Variants in UNC13C observed in about 807,000 individuals in gnomAD.
UNC13C encodes the protein unc-13 homolog C, also known as protein unc-13 homolog C.
A neutral mutation model predicts 245.4 loss-of-function variants in UNC13C; 174 were observed. The ratio of observed to expected loss-of-function variants is 0.71; its 90% CI spans 0.63 to 0.80. The LOEUF (loss-of-function observed/expected upper bound fraction) is 0.80. Ranked by LOEUF, UNC13C falls within the 30% of genes least tolerant of loss-of-function variation. The pLI, the probability that UNC13C is intolerant of heterozygous loss-of-function variation, is 0.00. For synonymous variants in UNC13C, 992 were observed against 895.1 expected, an observed-to-expected ratio of 1.11 and a Z score of -1.93; for missense variants, 2,829 against 2,602.9, an observed-to-expected ratio of 1.09 and a Z score of -1.89.
chr15:54,480,573 A>T (rs918771933), intron 19 of UNC13C, among the ~76,000 whole-genome samples: 1 of 151,590 alleles, frequency 6.6e-6, no homozygotes, highest in Non-Finnish European at 1.5e-5. Context: ...TTTCTTTATA[A>T]TGATGTTTAT....
At chr15:53,947,316 G>A in the UNC13C span, among the ~76,000 whole-genome samples, 5 of 152,144 alleles carry the variant, frequency 3.3e-5, no homozygotes, top group Non-Finnish European at 7.4e-5. Context: ...CATATTTAGA[G>A]CATAGTATAA....
chr15:54,412,476 G>T (rs1198176244), intron 18 of UNC13C, among the ~76,000 whole-genome samples: 1 of 152,146 alleles, frequency 6.6e-6, no homozygotes, highest in Non-Finnish European at 1.5e-5. Context: ...GGGGATTACA[G>T]ATCCCTCCCT....
the UNC13C span, among the ~76,000 whole-genome samples, chr15:53,854,122 G>GTATTTTTGTT: frequency 1.5e-5 from 2 of 133,578 alleles, no homozygotes; most frequent in Non-Finnish European, 3.1e-5. Flanking sequence ...GTTTTTATAG[G>GTATTTTTGTT]TTTTTTTTTT....
chr15:54,113,401 G>C (rs1449730773), intron 2 of UNC13C, among the ~76,000 whole-genome samples: 1 of 152,142 alleles, frequency 6.6e-6, no homozygotes, highest in Non-Finnish European at 1.5e-5. Flanking sequence ...AGAAAAATCA[G>C]AGTGGCAACT....
chr15:54,056,210 G>GA (rs908653619), intron 2 of UNC13C, among the ~76,000 whole-genome samples: 6 of 151,642 alleles, frequency 4.0e-5, no homozygotes, highest in African/African-American at 9.7e-5. Context: ...TAAAAACTTT[G>GA]AAAAAAAATT....
At chr15:53,958,592 G>C in the UNC13C span, among the ~76,000 whole-genome samples, 1 of 152,114 alleles carries the variant, frequency 6.6e-6, no homozygotes, top group African/African-American at 2.4e-5. Context: ...ATGATGATAA[G>C]GCTCAGGCTG....
intron 2 of UNC13C, among the ~76,000 whole-genome samples, chr15:54,127,229 C>T (rs993669216): frequency 1.3e-5 from 2 of 152,178 alleles, no homozygotes; most frequent in African/African-American, 2.4e-5. Flanking sequence ...GATTATAAAT[C>T]ATTCTACGAT....
At chr15:54,262,600 T>C (rs1451252796) in intron 8 of UNC13C, among the ~76,000 whole-genome samples, 1 of 152,238 alleles carries the variant, frequency 6.6e-6, no homozygotes, top group Non-Finnish European at 1.5e-5. Context: ...TTTGTAGCTA[T>C]TCTAGGGACA....
intron 2 of UNC13C, among the ~76,000 whole-genome samples, chr15:54,033,138 A>T (rs988391281): frequency 6.6e-6 from 1 of 152,046 alleles, no homozygotes; most frequent in African/African-American, 2.4e-5. Flanking sequence ...CTATGGAAAT[A>T]AAAAAAATTT....
intron 17 of UNC13C, among the ~76,000 whole-genome samples, chr15:54,372,617 A>G (rs192224314): frequency 1.3e-5 from 2 of 152,338 alleles, no homozygotes; most frequent in Non-Finnish European, 1.5e-5. Flanking sequence ...ATATGGAATC[A>G]TACTAAATAT....
chr15:54,235,115 T>C lies in UNC13C; in HGVS notation c.3150+7T>C. On this transcript the variant is annotated splice_region_variant and intron_variant, in intron 5 of 32. Coordinates refer to ENST00000260323, the MANE Select transcript of UNC13C (RefSeq NM_001080534.3). ...GCCTATTGTCCGAGATGTGGTAAGT[T>C]ACAACTGTTTAATTCTCTTCGATTG... 6.2e-7 allele frequency: 1 copy of C among 1,613,334 alleles called. No homozygotes were observed.
intron 2 of UNC13C, among the ~76,000 whole-genome samples, chr15:54,064,736 G>A (rs542103192): frequency 1.3e-5 from 2 of 152,292 alleles, no homozygotes; most frequent in East Asian, 1.9e-4. Flanking sequence ...AGGAATAACT[G>A]CAGGTACTGT....
intron 30 of UNC13C, among the ~76,000 whole-genome samples, chr15:54,585,926 A>G (rs1898466375): frequency 6.6e-6 from 1 of 152,246 alleles, no homozygotes; most frequent in African/African-American, 2.4e-5. Context: ...GTGTTAGACA[A>G]TTGGCTTTAT....
At chr15:54,007,299 A>T (rs532998675) in intron 1 of UNC13C, among the ~76,000 whole-genome samples, 2 of 152,306 alleles carry the variant, frequency 1.3e-5, no homozygotes, top group Admixed American at 1.3e-4. Context: ...GATTAAGCAA[A>T]TAACAGTAAA....
intron 19 of UNC13C, among the ~76,000 whole-genome samples, chr15:54,449,392 T>C (rs904703956): frequency 3.3e-5 from 5 of 152,230 alleles, no homozygotes; most frequent in Non-Finnish European, 7.3e-5. Context: ...TTCCATTCTC[T>C]CTGTCACTTT....
At chr15:54,428,250 C>A (rs1320950691) in intron 19 of UNC13C, among the ~76,000 whole-genome samples, 1 of 151,728 alleles carries the variant, frequency 6.6e-6, no homozygotes, top group African/African-American at 2.4e-5. Flanking sequence ...TGACCCTTGT[C>A]ACACACAGAA....
intron 17 of UNC13C, among the ~76,000 whole-genome samples, chr15:54,347,192 G>C (rs1215802099): frequency 6.6e-6 from 1 of 152,104 alleles, no homozygotes; most frequent in African/African-American, 2.4e-5. Flanking sequence ...TGTTTTAAAA[G>C]AATTATGCTG....
chr15:54,412,278 C>T (rs1336384372), intron 18 of UNC13C, among the ~76,000 whole-genome samples: 1 of 152,010 alleles, frequency 6.6e-6, no homozygotes, highest in Non-Finnish European at 1.5e-5. Flanking sequence ...CTCACAGTTC[C>T]ACATGGTGAG....
intron 4 of UNC13C, among the ~76,000 whole-genome samples, chr15:54,155,102 T>C (rs2032685946): frequency 6.6e-6 from 1 of 152,198 alleles, no homozygotes; most frequent in Non-Finnish European, 1.5e-5. Context: ...GACATTGCCA[T>C]GTAACAAACC....
Sources: allele counts gnomAD v4.1 joint callset (sites outside exome capture counted in the v4.1 genomes callset), GRCh38; gene constraint gnomAD v4.1.1; transcripts MANE v1.5; gene names NCBI Gene and HGNC (gene_info 2026-07-23, HGNC 2026-07-21).